Variants in MCC observed in about 807,000 individuals in gnomAD.
MCC encodes the protein colorectal mutant cancer protein.
In MCC, 90 loss-of-function variants were observed where a neutral mutation model predicts 116.2. The observed-to-expected ratio is 0.77, with a 90% confidence interval of 0.65 to 0.92. The LOEUF is 0.92. Ranked by LOEUF, MCC falls within the 40% of genes least tolerant of loss-of-function variation. MCC has a pLI of 0.00. For synonymous variants in MCC, 578 were observed against 510.5 expected, an observed-to-expected ratio of 1.13 and a Z score of -1.78; for missense variants, 1,516 against 1,312.2, an observed-to-expected ratio of 1.16 and a Z score of -2.40.
chr5:113,448,471 A>G (rs1222476111), intron 1 of MCC, among the ~76,000 whole-genome samples: 1 of 152,240 alleles, frequency 6.6e-6, no homozygotes, highest in African/African-American at 2.4e-5. Context: ...ATAGCAAAGA[A>G]AGGCCATAAT....
chr5:113,470,720 T>C (rs1772061466), intron 1 of MCC, among the ~76,000 whole-genome samples: 1 of 151,758 alleles, frequency 6.6e-6, no homozygotes, highest in South Asian at 2.1e-4. Context: ...TGAATTTGAA[T>C]ATTGGCCTGC....
At chr5:113,479,330 T>C (rs1772312534) in intron 1 of MCC, among the ~76,000 whole-genome samples, 1 of 152,082 alleles carries the variant, frequency 6.6e-6, no homozygotes, top group African/African-American at 2.4e-5. Flanking sequence ...GGGGTAGCAA[T>C]TGACTAGGAA....
chr5:113,378,630 G>A (rs1467453603), intron 2 of MCC, among the ~76,000 whole-genome samples: 3 of 152,146 alleles, frequency 2.0e-5, no homozygotes. Context: ...GCACAGACAG[G>A]TGACAGCCTC....
chr5:113,142,576 T>C (rs1292458440), intron 5 of MCC, among the ~76,000 whole-genome samples: 2 of 147,706 alleles, frequency 1.4e-5, no homozygotes, highest in African/African-American at 4.9e-5. Context: ...CTCTATCCTC[T>C]CCTAATTTTA....
intron 5 of MCC, among the ~76,000 whole-genome samples, chr5:113,137,359 A>C (rs920245061): frequency 3.9e-5 from 6 of 152,200 alleles, no homozygotes; most frequent in African/African-American, 1.4e-4. Context: ...ACACAGAGCC[A>C]AACCATATCA....
At chr5:113,193,641 A>C (rs1762250440) in intron 3 of MCC, among the ~76,000 whole-genome samples, 1 of 152,222 alleles carries the variant, frequency 6.6e-6, no homozygotes, top group South Asian at 2.1e-4. Flanking sequence ...ACGATAGAGA[A>C]ATACATAAAG....
In MCC at chr5:113,434,042, G is replaced by C. The variant is rs898064599; in HGVS notation, c.171-48830C>G. The C allele has an allele frequency of 2.5e-6, 4 of 1,613,970 alleles. No individual in the cohort carries two copies. The highest frequency in any genetic ancestry group is 3.4e-6 in the Non-Finnish European group (4 of 1,179,934). ...TGGGCTGCATCCAGCAGTGGCTGAG[G>C]ATCTCGTCGATGTGGAGCCGCCGGT... is the stretch of plus-strand genomic sequence containing the variant. On this transcript the variant is annotated intron_variant, in intron 1 of 18. Coordinates refer to ENST00000408903, the MANE Select transcript of MCC (RefSeq NM_001085377.2). This position sits in a 1 kb window ranked among gnomAD's most constrained non-coding sequence, Gnocchi z 4.2.
chr5:113,395,531 G>C (rs946043691), intron 1 of MCC, among the ~76,000 whole-genome samples: 1 of 152,130 alleles, frequency 6.6e-6, no homozygotes, highest in Non-Finnish European at 1.5e-5. Context: ...AGCACCAGGC[G>C]TATATGTAAT....
At chr5:113,178,686 C>T (rs554272125) in intron 3 of MCC, among the ~76,000 whole-genome samples, 13 of 152,218 alleles carry the variant, frequency 8.5e-5, no homozygotes, top group Non-Finnish European at 1.8e-4. Flanking sequence ...TCTTCTATCA[C>T]TGTTGCGTTA....
chr5:113,208,567 T>C (rs1483208920), intron 3 of MCC, among the ~76,000 whole-genome samples: 1 of 152,136 alleles, frequency 6.6e-6, no homozygotes, highest in Non-Finnish European at 1.5e-5. Flanking sequence ...AGACTTCCAT[T>C]ACTATCTGAA....
intron 1 of MCC, among the ~76,000 whole-genome samples, chr5:113,420,329 A>T (rs926519922): frequency 6.6e-6 from 1 of 152,158 alleles, no homozygotes; most frequent in Non-Finnish European, 1.5e-5. Flanking sequence ...ATTAAAAGGA[A>T]AAAAGAAATC....
rs1214674727 is a variant in MCC at position 113,434,692 on chromosome 5, C to CG, written c.171-49481dup. The CG allele has an allele frequency of 6.2e-7, 1 of 1,613,884 alleles. No individual in the cohort carries two copies. Among genetic ancestry groups the CG allele is most frequent in the Non-Finnish European group, 8.5e-7 (1 of 1,179,932 alleles). ...GGAAGGAATTTCTCCAAGAAGTCTG[C>CG]GGGGGCCTTCTTGCGGTCGATGATC... On this transcript the variant is annotated intron_variant, in intron 1 of 18. Transcript: ENST00000408903. The surrounding 1 kb of genome is among the most constrained non-coding windows in gnomAD (Gnocchi z 4.2).
chr5:113,485,198 G>GC (rs962082096), intron 1 of MCC, among the ~76,000 whole-genome samples: 2 of 152,048 alleles, frequency 1.3e-5, no homozygotes, highest in Non-Finnish European at 2.9e-5. Context: ...TCCCCTCACG[G>GC]CCCAGTTTCT....
chr5:113,455,749 C>A (rs146140119), intron 1 of MCC, among the ~76,000 whole-genome samples: 2 of 152,302 alleles, frequency 1.3e-5, no homozygotes, highest in African/African-American at 4.8e-5. Context: ...AGCAATCATA[C>A]TAAATGGAAT....
chr5:113,353,296 G>A (rs912041423), intron 2 of MCC, among the ~76,000 whole-genome samples: 4 of 152,096 alleles, frequency 2.6e-5, no homozygotes, highest in Non-Finnish European at 4.4e-5. Flanking sequence ...GACACAGGAG[G>A]GTCTGGGGGT....
intron 17 of MCC, among the ~76,000 whole-genome samples, chr5:113,043,043 A>G (rs1751827520): frequency 6.6e-6 from 1 of 152,212 alleles, no homozygotes; most frequent in Non-Finnish European, 1.5e-5. Flanking sequence ...ATGAATCAGC[A>G]TCTGTTTCTC....
chr5:113,036,203 CA>C (rs1379292138), intron 17 of MCC, among the ~76,000 whole-genome samples: 1 of 151,748 alleles, frequency 6.6e-6, no homozygotes, highest in Non-Finnish European at 1.5e-5. Context: ...ATGCCCAGCT[CA>C]TTTTTGTATT....
At chr5:113,298,339 T>C (rs576003875) in intron 3 of MCC, among the ~76,000 whole-genome samples, 2 of 152,178 alleles carry the variant, frequency 1.3e-5, no homozygotes, top group South Asian at 2.1e-4. Flanking sequence ...CTACAGAGGG[T>C]AGAGAAGCCT....
At chr5:113,380,282 A>G (rs1162450069) in intron 2 of MCC, among the ~76,000 whole-genome samples, 1 of 152,092 alleles carries the variant, frequency 6.6e-6, no homozygotes, top group East Asian at 1.9e-4. Flanking sequence ...ATTTCCTGAA[A>G]CTCCTGTTCA....
Sources: gnomAD v4.1 joint callset for allele counts (sites outside exome capture counted in the v4.1 genomes callset) on GRCh38, gnomAD v4.1.1 for gene constraint, Gnocchi (gnomAD v3.1) non-coding constraint, MANE v1.5 for transcripts, NCBI Gene and HGNC (gene_info 2026-07-23, HGNC 2026-07-21) for gene names.